EIF4G2: variants seen among roughly 807,000 people sequenced by gnomAD.
EIF4G2 encodes eukaryotic translation initiation factor 4 gamma 2, also known as DAP-5.
A neutral mutation model predicts 117.7 loss-of-function variants in EIF4G2; 8 were observed. The observed-to-expected ratio is 0.07, with a 90% CI of 0.04 to 0.12. EIF4G2 has a LOEUF of 0.12. Among genes scored for constraint, EIF4G2 ranks in the 10% least tolerant of loss-of-function variants. The pLI, the probability that EIF4G2 is intolerant of heterozygous loss-of-function variation, is 1.00. For synonymous variants in EIF4G2, 413 were observed against 367.8 expected, an observed-to-expected ratio of 1.12 and a Z score of -1.41; for missense variants, 812 against 1,086.2, an observed-to-expected ratio of 0.75 and a Z score of 3.55.
chr11:10,799,286 A>G lies in EIF4G2; in HGVS notation c.2463T>C (p.His821=). Residue 821 remains histidine, a synonymous_variant, in exon 20 of 22, where the codon CAT becomes CAC. Transcript: ENST00000339995. ...CACTGACTTGTAGATCAACGTGATC[A>G]TGAAGAAATTTCTGCATTACTGGCT... 6.2e-7 allele frequency: 1 copy of G among 1,614,204 alleles called. No individual in the cohort carries two copies. The highest frequency in any genetic ancestry group is 8.5e-7 in the Non-Finnish European group (1 of 1,180,040).
At position 10,801,534 on chromosome 11, in the gene EIF4G2, GAA is replaced by G. The variant is rs746932832; in HGVS notation, c.1413+125_1413+126del. 8 of 909,988 alleles carry G rather than the reference GAA, an allele frequency of 8.8e-6. No individual in the cohort carries two copies. In the South Asian group the frequency reaches 9.1e-5, roughly 10 times the overall value. The allele number at this position is 909,988 out of a possible 1,614,324, so 56.4% of individuals were successfully genotyped here. On this transcript the variant is annotated intron_variant, in intron 14 of 21. Coordinates refer to ENST00000339995, the MANE Select transcript of EIF4G2 (RefSeq NM_001418.4). The stretch of plus-strand genomic sequence containing the variant: ...ATTCAAAGAAAGAAAAAGAAGTATA[GAA>G]AAGAGAGAAAAACGTCAAGAACTCC...
At position 10,808,812 on chromosome 11, in the gene EIF4G2, G is replaced by A; in HGVS notation, c.-194C>T. ...GAACGGAAAACAAAAAAAAGGGGGA[G>A]GGAAGGGGGAGGAAGGAGTCGGGGA... On this transcript the variant is annotated 5_prime_UTR_variant, in exon 1 of 22. Transcript: ENST00000339995. 5.9e-6 allele frequency: 1 copy of A among 170,796 alleles called. No homozygotes were observed. 10.6% of individuals were successfully genotyped at this position (170,796 alleles called of 1,614,324 possible).
chr11:10,798,424 ACT>A (rs778813918), intron 21 of EIF4G2, among the ~76,000 whole-genome samples: 42 of 152,090 alleles, frequency 2.8e-4, no homozygotes, highest in Admixed American at 1.8e-3. Context: ...ACACAGTCTC[ACT>A]CTGTTGCCCA....
At position 10,808,272 on chromosome 11, in the gene EIF4G2, C is replaced by T. The variant is rs532826970; in HGVS notation, c.-87+433G>A. ...CAGCCCCTGCCGACTCCAGGTCCTA[C>T]ACACCTCCCCGCCGGGAGGCCAGGC... On this transcript the variant is annotated intron_variant, in intron 1 of 21. Transcript: ENST00000339995. 21 of 1,215,166 alleles carry T rather than the reference C, an allele frequency of 1.7e-5. No homozygotes were observed. The East Asian group carries it at 2.5e-4, about 15-fold the overall frequency. The allele number at this position is 1,215,166 out of a possible 1,614,324, so 75.3% of individuals were successfully genotyped here. A position where few individuals can be genotyped will look rare whatever the true frequency, so the allele number is the denominator to read the frequency against.
chr11:10,801,930 T>G, intron 13 of EIF4G2, 119 bp downstream of exon 13: 1 of 652,752 alleles, frequency 1.5e-6, no homozygotes, highest in Non-Finnish European at 2.0e-6. Context: ...AAATCTAACC[T>G]ATCAAATAAA....
At position 10,799,682 on chromosome 11, in the gene EIF4G2, T is replaced by G; in HGVS notation, c.2194A>C (p.Lys732Gln). Residue 732 changes from lysine (K) to glutamine (Q), a missense_variant, in exon 19 of 22, where the codon AAA becomes CAA. Physicochemically the swap from Lys to Gln is moderately conservative, Grantham distance 53. Coordinates refer to ENST00000339995, the MANE Select transcript of EIF4G2 (RefSeq NM_001418.4). ...TGCTTCAACAGTTCCTTCTCCAATT[T>G]GAGGAGTGGGAATAAGAAACTCAGT... The G allele has an allele frequency of 1.2e-6, 2 of 1,614,142 alleles. No individual in the cohort carries two copies. The highest frequency in any genetic ancestry group is 2.2e-5 in the East Asian group (1 of 44,874).
rs752536302 is a variant in EIF4G2 at position 10,801,525 on chromosome 11, A to T, written c.1413+136T>A. ...ACGCTGGACATTCAAAGAAAGAAAA[A>T]GAAGTATAGAAAAGAGAGAAAAACG... is the stretch of plus-strand genomic sequence containing the variant. On this transcript the variant is annotated intron_variant, in intron 14 of 21. Transcript: ENST00000339995. 2.3e-5 allele frequency: 20 copies of T among 863,048 alleles called. No homozygotes were observed. The Middle Eastern group carries it at 1.1e-3, about 47-fold the overall frequency. 53.5% of individuals were successfully genotyped at this position (863,048 alleles called of 1,614,324 possible).
Position 10,800,248 on chromosome 11 carries a change from T to A in EIF4G2, c.1961A>T (p.Glu654Val). 6.2e-7 allele frequency: 1 copy of A among 1,614,218 alleles called. No individual in the cohort carries two copies. Among genetic ancestry groups the A allele is most frequent in the Non-Finnish European group, 8.5e-7 (1 of 1,180,036 alleles). ...AGCTAGTTCTGAAATGCTCACCAGC[T>A]CTGAAATGATGGCACGAGCTGCAAA... Residue 654 changes from glutamate (E) to valine (V), a missense_variant, in exon 18 of 22, where the codon GAG becomes GTG. Around this residue, in one of 4 missense-constraint regions of EIF4G2, gnomAD observed 571 missense variants for 642.3 expected, o/e 0.89. Transcript: ENST00000339995.
intron 16 of EIF4G2, 37 bp from the exon 17 acceptor site, chr11:10,800,684 T>A (rs1342919261): frequency 6.2e-7 from 1 of 1,613,944 alleles, no homozygotes; most frequent in Admixed American, 1.7e-5. Context: ...GTATTCTCTA[T>A]CTCAAATACA....
At position 10,800,194 on chromosome 11, in the gene EIF4G2, G is replaced by A. The variant is rs1847378538; in HGVS notation, c.2015C>T (p.Pro672Leu). Residue 672 changes from proline to leucine, a missense_variant, in exon 18 of 22, where the codon CCT becomes CTT. Around this residue, in one of 4 missense-constraint regions of EIF4G2, gnomAD observed 571 missense variants for 642.3 expected, o/e 0.89. Transcript: ENST00000339995. The stretch of plus-strand genomic sequence containing the variant: ...CTGCTGAAGACAAAGTAGGAAGAGA[G>A]GAAAATGGGTGCCACTTTCTAGTGG... The A allele has an allele frequency of 6.2e-7, 1 of 1,614,188 alleles. No individual in the cohort carries two copies. Among genetic ancestry groups the A allele is most frequent in the Non-Finnish European group, 8.5e-7 (1 of 1,180,036 alleles).
chr11:10,798,980 C>T lies in EIF4G2; in HGVS notation c.2658+12G>A, dbSNP rs768680911. 2 of 1,585,988 alleles carry T rather than the reference C, an allele frequency of 1.3e-6. No homozygotes were observed. Among genetic ancestry groups the T allele is most frequent in the Admixed American group, 4.0e-5 (2 of 50,628 alleles). On this transcript the variant is annotated intron_variant, in intron 21 of 21. Transcript: ENST00000339995. ...TGAAGTAAGCAGACCAAATTTTTAA[C>T]AAAAGACTTACCTGGAACAAAGCCT...
chr11:10,802,511 G>T (rs570284775), intron 11 of EIF4G2, 76 bp from the exon 12 acceptor site: 17 of 1,457,874 alleles, frequency 1.2e-5, no homozygotes, highest in African/African-American at 8.6e-5. Flanking sequence ...TTGCAACTAG[G>T]GGGGGAAACC....
At chr11:10,798,263 T>C (rs1468993159) in intron 21 of EIF4G2, among the ~76,000 whole-genome samples, 1 of 152,236 alleles carries the variant, frequency 6.6e-6, no homozygotes, top group East Asian at 1.9e-4. Flanking sequence ...CTTTTTAAAC[T>C]GCTCTTCAGG....
chr11:10,806,405 G>T, intron 3 of EIF4G2: 1 of 322,576 alleles, frequency 3.1e-6, no homozygotes, highest in South Asian at 4.0e-5. Flanking sequence ...TCAAACTCTT[G>T]GGTTCAAGCG....
intron 1 of EIF4G2, chr11:10,807,851 C>G (rs991224104): frequency 6.1e-6 from 6 of 987,188 alleles, no homozygotes; most frequent in Non-Finnish European, 4.8e-6. Flanking sequence ...GAAAGACGCG[C>G]GAGAGGGGGC....
intron 14 of EIF4G2, chr11:10,801,303 A>G (rs1386699034): frequency 2.0e-5 from 13 of 646,510 alleles, no homozygotes; most frequent in East Asian, 5.6e-5. Context: ...TAAATCTTAC[A>G]TTCTCTTAGA....
In EIF4G2 at chr11:10,799,363, C is replaced by G. The variant is rs1318430406; in HGVS notation, c.2386G>C (p.Ala796Pro). ...TGCTCTAACTGTTCTTTGGAAGGAG[C>G]AGAGGATGAATCTGTTTCATCGCTG... The change falls in exon 20 of 22, where the codon GCT becomes CCT. Residue 796 changes from alanine to proline, a missense_variant. Transcript: ENST00000339995. The G allele has an allele frequency of 6.2e-7, 1 of 1,613,244 alleles. No homozygotes were observed. Among genetic ancestry groups the G allele is most frequent in the Non-Finnish European group, 8.5e-7 (1 of 1,180,026 alleles).
chr11:10,799,488 A>G, intron 19 of EIF4G2, 64 bp from the exon 20 acceptor site: 1 of 1,609,038 alleles, frequency 6.2e-7, no homozygotes, highest in South Asian at 1.1e-5. Context: ...GACAACTCTT[A>G]GTCTCCTACG....
At position 10,803,726 on chromosome 11, in the gene EIF4G2, T is replaced by G; in HGVS notation, c.703-136A>C. The G allele has an allele frequency of 1.8e-6, 2 of 1,122,704 alleles. No homozygotes were observed. The highest frequency in any genetic ancestry group is 1.3e-6 in the Non-Finnish European group (1 of 780,996). 69.5% of individuals were successfully genotyped at this position (1,122,704 alleles called of 1,614,324 possible). ...AGTATAGGGCTTTCTACCAGTCTGG[T>G]TGATCAGTTCTAACTCTACTTTGTC... On this transcript the variant is annotated intron_variant, in intron 8 of 21. Transcript: ENST00000339995. The surrounding 1 kb of genome is among the most constrained non-coding windows in gnomAD (Gnocchi z 4.0).
Sources: allele counts gnomAD v4.1 joint callset (sites outside exome capture counted in the v4.1 genomes callset), GRCh38; gene constraint gnomAD v4.1.1; regional missense constraint gnomAD v4.1.1; non-coding constraint Gnocchi (gnomAD v3.1); transcripts MANE v1.5; gene names NCBI Gene and HGNC (gene_info 2026-07-23, HGNC 2026-07-21).